Variants in CHODL observed in about 807,000 individuals in gnomAD.
The protein encoded by CHODL is transmembrane protein MT75.
CHODL carries 29 observed loss-of-function variants against 34.5 expected under a neutral mutation model. That is an observed-to-expected ratio of 0.84 (90% CI 0.63 to 1.15). The LOEUF is 1.15. Ranked by LOEUF, CHODL falls within the 50% of genes most tolerant of loss-of-function variation. The pLI is 0.00. For synonymous variants in CHODL, 125 were observed against 116.1 expected, an observed-to-expected ratio of 1.08 and a Z score of -0.49; for missense variants, 332 against 332.5, an observed-to-expected ratio of 1.00 and a Z score of 0.01.
chr21:18,045,608 G>C (rs1041266104), intron 2 of CHODL, among the ~76,000 whole-genome samples: 1 of 151,984 alleles, frequency 6.6e-6, no homozygotes, highest in Non-Finnish European at 1.5e-5. Context: ...AAAACTGTGA[G>C]AGAATACATT....
intron 2 of CHODL, among the ~76,000 whole-genome samples, chr21:18,181,731 AT>A (rs2073385291): frequency 6.6e-6 from 1 of 152,126 alleles, no homozygotes; most frequent in South Asian, 2.1e-4. Context: ...GCAACCACTA[AT>A]CTTCATTCTG....
At chr21:18,043,597 C>T (rs1389820861) in intron 2 of CHODL, among the ~76,000 whole-genome samples, 2 of 151,822 alleles carry the variant, frequency 1.3e-5, no homozygotes, top group Admixed American at 1.3e-4. Context: ...GCTTAGGTTC[C>T]AGAAGGATGA....
intron 2 of CHODL, among the ~76,000 whole-genome samples, chr21:18,146,179 G>T (rs1222203743): frequency 2.0e-5 from 3 of 148,112 alleles, no homozygotes; most frequent in Non-Finnish European, 4.5e-5. Context: ...GGCTTTCACC[G>T]TGTTAGCCAG....
chr21:18,019,536 G>C (rs2064108051), intron 1 of CHODL, among the ~76,000 whole-genome samples: 1 of 152,008 alleles, frequency 6.6e-6, no homozygotes, highest in African/African-American at 2.4e-5. Context: ...CATTTACCCT[G>C]ATGTGATTAT....
chr21:17,964,378 C>T (rs145694825), intron 1 of CHODL, among the ~76,000 whole-genome samples: 2 of 152,272 alleles, frequency 1.3e-5, no homozygotes, highest in East Asian at 1.9e-4. Context: ...CATGCGTGCA[C>T]GTGCTGAACA....
At chr21:18,130,426 A>G (rs1359045799) in intron 2 of CHODL, among the ~76,000 whole-genome samples, 1 of 152,220 alleles carries the variant, frequency 6.6e-6, no homozygotes, top group Non-Finnish European at 1.5e-5. Flanking sequence ...GGCCAGTGAA[A>G]TGGATATTAA....
intron 2 of CHODL, among the ~76,000 whole-genome samples, chr21:18,101,446 C>G (rs2065212087): frequency 6.6e-6 from 1 of 152,094 alleles, no homozygotes; most frequent in East Asian, 1.9e-4. Context: ...GTCTTAATTT[C>G]TACCTTGTTT....
chr21:18,134,746 A>G (rs2072699676), intron 2 of CHODL, among the ~76,000 whole-genome samples: 1 of 152,170 alleles, frequency 6.6e-6, no homozygotes, highest in African/African-American at 2.4e-5. Context: ...TTGCAACTTA[A>G]GTTTTGCACA....
chr21:18,227,464 T>C lies in CHODL; in HGVS notation c.-44-29045T>C, dbSNP rs908661014. Among the ~76,000 whole-genome samples, 6 of 152,168 alleles carry C rather than the reference T, an allele frequency of 3.9e-5. 1 individual carries two copies. The highest frequency in any genetic ancestry group is 5.9e-5 in the Non-Finnish European group (4 of 68,024). ...AACTTTACAACATATATGTTGTGTG[T>C]AGTGGGTATTTAATTTTGCCTTGTC... On this transcript the variant is annotated intron_variant, in intron 2 of 6. Coordinates refer to the CHODL transcript ENST00000400127.
intron 1 of CHODL, among the ~76,000 whole-genome samples, chr21:17,969,064 C>CT (rs1338163752): frequency 6.6e-6 from 1 of 152,188 alleles, no homozygotes; most frequent in Non-Finnish European, 1.5e-5. Flanking sequence ...CTCAACATGA[C>CT]TAAATGAAGC....
chr21:17,949,339 T>A (rs1019731507), intron 1 of CHODL, among the ~76,000 whole-genome samples: 1 of 152,214 alleles, frequency 6.6e-6, no homozygotes, highest in Non-Finnish European at 1.5e-5. Context: ...TTATGTCACA[T>A]TCTTGGCTTT....
At chr21:18,116,187 A>G (rs1568894439) in intron 2 of CHODL, among the ~76,000 whole-genome samples, 1 of 152,126 alleles carries the variant, frequency 6.6e-6, no homozygotes, top group African/African-American at 2.4e-5. Flanking sequence ...GACCAACTCT[A>G]TGTCAATACC....
At chr21:18,210,000 A>G (rs1363288087) in intron 2 of CHODL, among the ~76,000 whole-genome samples, 1 of 152,184 alleles carries the variant, frequency 6.6e-6, no homozygotes, top group African/African-American at 2.4e-5. Flanking sequence ...GGGTTGGGGT[A>G]TAAGTGGTGC....
At chr21:18,080,161 G>C (rs2064924152) in intron 2 of CHODL, among the ~76,000 whole-genome samples, 2 of 151,942 alleles carry the variant, frequency 1.3e-5, no homozygotes, top group Non-Finnish European at 2.9e-5. Context: ...CATGTTCTTT[G>C]CTCCCTTTTT....
chr21:17,923,525 A>G (rs7278006), intron 1 of CHODL, among the ~76,000 whole-genome samples: 150,069 of 150,074 alleles, frequency 1, 75,032 homozygotes, highest in Middle Eastern at 1. Context: ...GTGGGGTCAC[A>G]ATCTCGGCTC....
chr21:17,995,481 T>C lies in CHODL; in HGVS notation c.-144-32391T>C, dbSNP rs1253184969. Among the ~76,000 whole-genome samples, 3 of 152,338 alleles carry C rather than the reference T, an allele frequency of 2.0e-5. No homozygotes were observed. The East Asian group carries it at 5.8e-4, about 29-fold the overall frequency. ...CCTTCTGTGCTTCAAGCACTCCCTG[T>C]CACTTCCCTGCTGAATTCCAGTGTT... On this transcript the variant is annotated intron_variant, in intron 1 of 6. Coordinates refer to the CHODL transcript ENST00000400127.
intron 1 of CHODL, among the ~76,000 whole-genome samples, chr21:17,953,001 A>G (rs1276544168): frequency 6.6e-6 from 1 of 152,124 alleles, no homozygotes; most frequent in Non-Finnish European, 1.5e-5. Context: ...CTTGGAAAAA[A>G]TTGCCCCCAT....
intron 2 of CHODL, among the ~76,000 whole-genome samples, chr21:18,101,711 AAC>A (rs2065216147): frequency 1.7e-5 from 2 of 120,872 alleles, no homozygotes; most frequent in African/African-American, 6.6e-5. Context: ...TTCCATTTAC[AAC>A]ATTTTTTTTT....
chr21:18,214,124 C>T (rs1277997461), intron 2 of CHODL, among the ~76,000 whole-genome samples: 1 of 152,026 alleles, frequency 6.6e-6, no homozygotes, highest in Non-Finnish European at 1.5e-5. Flanking sequence ...CCTATTTCTT[C>T]CCTGTATCCA....
Sources: allele counts gnomAD v4.1 joint callset (sites outside exome capture counted in the v4.1 genomes callset), GRCh38; gene constraint gnomAD v4.1.1; transcripts MANE v1.5; gene names NCBI Gene and HGNC (gene_info 2026-07-23, HGNC 2026-07-21).